Variants in SCN3A observed in about 807,000 individuals in gnomAD.
The protein encoded by SCN3A is sodium voltage-gated channel alpha subunit 3.
A neutral mutation model predicts 187.6 loss-of-function variants in SCN3A; 60 were observed. That is an observed-to-expected ratio of 0.32 (90% CI 0.26 to 0.40). SCN3A has a LOEUF of 0.40. Among genes scored for constraint, SCN3A ranks in the 10% least tolerant of loss-of-function variants. The pLI is 1.00. For synonymous variants in SCN3A, 788 were observed against 829.2 expected, an observed-to-expected ratio of 0.95 and a Z score of 0.85; for missense variants, 1,601 against 2,428.2, an observed-to-expected ratio of 0.66 and a Z score of 7.16.
At chr2:165,156,686 T>G (rs1211297016) in intron 9 of SCN3A, among the ~76,000 whole-genome samples, 1 of 152,044 alleles carries the variant, frequency 6.6e-6, no homozygotes, top group Non-Finnish European at 1.5e-5. Flanking sequence ...TAGTACAGGC[T>G]TCATACATTC....
intron 21 of SCN3A, among the ~76,000 whole-genome samples, chr2:165,110,236 G>C (rs898479799): frequency 3.3e-5 from 5 of 152,212 alleles, no homozygotes; most frequent in African/African-American, 9.6e-5. Flanking sequence ...AACAAGGCTA[G>C]GTCTGTTTTG....
chr2:165,104,542 TA>T (rs911746880), intron 21 of SCN3A, among the ~76,000 whole-genome samples: 7 of 145,850 alleles, frequency 4.8e-5, no homozygotes, highest in Non-Finnish European at 1.1e-4. Context: ...ATTCTCCAAC[TA>T]AAAAACTGAA....
At position 165,092,512 on chromosome 2, in the gene SCN3A, C is replaced by G; in HGVS notation, c.4549G>C (p.Gly1517Arg). 2 of 1,613,018 alleles carry G rather than the reference C, an allele frequency of 1.2e-6. No individual in the cohort carries two copies. The highest frequency in any genetic ancestry group is 1.3e-5 in the African/African-American group (1 of 74,952). ...CTGGTTACAAAATCAAAGACCATTC[C>G]TTGGAATTTGTTCTAGAAAGTGAGA... ...PIPRPANKFQ[G>R]MVFDFVTRQV... The change falls in exon 27 of 28, where the codon GGA becomes CGA. Residue 1517 changes from glycine (G) to arginine (R), a missense_variant. Transcript: ENST00000283254. The surrounding 1 kb of genome is among the most constrained non-coding windows in gnomAD (Gnocchi z 4.2).
intron 16 of SCN3A, 97 bp from the exon 17 acceptor site, chr2:165,130,393 A>C: frequency 1.5e-6 from 2 of 1,295,540 alleles, no homozygotes; most frequent in Non-Finnish European, 2.2e-6. Flanking sequence ...CACGTGGTAG[A>C]TGTAAAAACT....
At chr2:165,136,775 G>C (rs566516255) in intron 15 of SCN3A, among the ~76,000 whole-genome samples, 127 of 152,286 alleles carry the variant, frequency 8.3e-4, no homozygotes, top group African/African-American at 3.0e-3. Flanking sequence ...AAAATCTCAA[G>C]AATATGGTGG....
intron 8 of SCN3A, 49 bp from the exon 9 acceptor site, chr2:165,162,420 C>T (rs752792189): frequency 7.5e-6 from 12 of 1,593,560 alleles, no homozygotes; most frequent in Admixed American, 5.0e-5. Context: ...ATCCTATTCA[C>T]ATTAGTATTA....
At chr2:165,142,723 G>A (rs911994021) in intron 12 of SCN3A, among the ~76,000 whole-genome samples, 56 of 148,822 alleles carry the variant, frequency 3.8e-4, no homozygotes, top group Non-Finnish European at 5.7e-4. Context: ...TCCAGAACTC[G>A]TGTTGTTGTT....
intron 11 of SCN3A, among the ~76,000 whole-genome samples, chr2:165,147,305 A>T (rs1688417692): frequency 6.7e-6 from 1 of 150,260 alleles, no homozygotes; most frequent in African/African-American, 2.5e-5. Flanking sequence ...GTTGGTGACA[A>T]CTGTTCTCTT....
At chr2:165,156,509 A>C (rs77747955) in intron 9 of SCN3A, among the ~76,000 whole-genome samples, 27,904 of 89,608 alleles carry the variant, frequency 0.31, 4,356 homozygotes, top group African/African-American at 0.51. Flanking sequence ...CGAGACTCTG[A>C]CTCAAAAAAA....
chr2:165,154,428 A>C (rs758284461), intron 11 of SCN3A, 24 bp downstream of exon 11: 31 of 1,609,416 alleles, frequency 1.9e-5, no homozygotes, highest in African/African-American at 2.7e-5. Context: ...ATAATGATAA[A>C]TCTTTGCTTT....
chr2:165,162,038 C>T (rs1181775666), intron 9 of SCN3A, among the ~76,000 whole-genome samples: 2 of 152,176 alleles, frequency 1.3e-5, no homozygotes, highest in Admixed American at 6.5e-5. Context: ...AAGACAGACT[C>T]TGGGCCTTCA....
At chr2:165,185,999 C>T (rs962766916) in intron 2 of SCN3A, among the ~76,000 whole-genome samples, 3 of 152,090 alleles carry the variant, frequency 2.0e-5, no homozygotes, top group Non-Finnish European at 2.9e-5. Context: ...TTGCTGGGCG[C>T]GATGGCTCAC....
rs895333106 is a variant in SCN3A, at chr2:165,140,471, G to A, written c.2019+180C>T. 6.6e-6 allele frequency among the ~76,000 whole-genome samples: 1 copy of A among 151,276 alleles called. No homozygotes were observed. Among genetic ancestry groups the A allele is most frequent in the Non-Finnish European group, 1.5e-5 (1 of 67,830 alleles). ...TAATTCCCATACAACAAAAGCTAAT[G>A]GTCCCATACAATTCAATTGATTCTC... On this transcript the variant is annotated intron_variant, in intron 13 of 27. Coordinates refer to ENST00000283254, the MANE Select transcript of SCN3A (RefSeq NM_006922.4). The surrounding 1 kb of genome is among the most constrained non-coding windows in gnomAD (Gnocchi z 4.2).
At chr2:165,138,686 T>TA (rs1452003339) in intron 14 of SCN3A, among the ~76,000 whole-genome samples, 2 of 152,170 alleles carry the variant, frequency 1.3e-5, no homozygotes, top group African/African-American at 4.8e-5. Flanking sequence ...ATCATGTATT[T>TA]AAAATATTGC....
intron 9 of SCN3A, among the ~76,000 whole-genome samples, chr2:165,161,137 C>CTTTTTTTTTTT (rs61608647): frequency 0.015 from 1,395 of 93,388 alleles, 2 homozygotes; most frequent in Non-Finnish European, 0.022. Flanking sequence ...TTCTTTCTTT[C>CTTTTTTTTTTT]TTTTTTTTTT....
At chr2:165,129,434 C>G (rs1687183271) in intron 17 of SCN3A, among the ~76,000 whole-genome samples, 1 of 152,144 alleles carries the variant, frequency 6.6e-6, no homozygotes, top group Non-Finnish European at 1.5e-5. Context: ...CAATGCATAG[C>G]TAAAATATAA....
Position 165,091,016 on chromosome 2 carries a change from C to T in SCN3A, c.5137G>A (p.Gly1713Arg), listed in dbSNP as rs1444712350. Reference protein sequence around the residue: ...FQITTSAGWDGLLAPILNSAP... With the variant: ...FQITTSAGWDRLLAPILNSAP... ...CTATTAAGAATAGGTGCTAGCAATC[C>T]ATCCCAGCCAGCAGAGGTTGTAATT... is the stretch of plus-strand genomic sequence containing the variant. Residue 1713 changes from glycine (G) to arginine (R), a missense_variant, in exon 28 of 28, where the codon GGA becomes AGA. By Grantham distance (125) the Gly-to-Arg change is moderately radical (BLOSUM62 -2). Transcript: ENST00000283254. 6 of 1,614,102 alleles carry T rather than the reference C, an allele frequency of 3.7e-6. No homozygotes were observed. The highest frequency in any genetic ancestry group is 5.1e-6 in the Non-Finnish European group (6 of 1,180,018).
intron 11 of SCN3A, 96 bp downstream of exon 11, chr2:165,154,356 A>AAAAAGC: frequency 7.6e-7 from 1 of 1,320,952 alleles, no homozygotes; most frequent in Non-Finnish European, 1.1e-6. Context: ...ATATAAAATG[A>AAAAAGC]AAAAGCAGTT....
rs1170415723 is a variant in SCN3A, at chr2:165,113,073, T to C, written c.3670-15A>G. ...TCTTCAAAGGCCTATGAATCAAAAA[T>C]ATTTTATTTTACTTAAATGGCTTGC... On this transcript the variant is annotated splice_polypyrimidine_tract_variant and intron_variant, in intron 20 of 27. Coordinates refer to ENST00000283254, the MANE Select transcript of SCN3A (RefSeq NM_006922.4). 1.3e-5 allele frequency: 21 copies of C among 1,596,952 alleles called. No individual in the cohort carries two copies. Among genetic ancestry groups the C allele is most frequent in the Non-Finnish European group, 1.7e-5 (20 of 1,166,736 alleles).
Sources: allele counts gnomAD v4.1 joint callset (sites outside exome capture counted in the v4.1 genomes callset), GRCh38; gene constraint gnomAD v4.1.1; non-coding constraint Gnocchi (gnomAD v3.1); transcripts MANE v1.5; gene names NCBI Gene and HGNC (gene_info 2026-07-23, HGNC 2026-07-21).